Variants in KCTD1 observed in about 807,000 individuals in gnomAD.
KCTD1 encodes potassium channel tetramerization domain containing 1, also known as BTB/POZ domain-containing protein KCTD1.
KCTD1 carries 24 observed loss-of-function variants against 66.0 expected under a neutral mutation model. The ratio of observed to expected loss-of-function variants is 0.36; its 90% CI spans 0.26 to 0.51. The LOEUF (loss-of-function observed/expected upper bound fraction) is 0.51. KCTD1 is among the 20% of genes least tolerant of loss of function. KCTD1 has a pLI of 0.95. For missense variants in KCTD1, 943 were observed against 1,205.2 expected, an observed-to-expected ratio of 0.78 and a Z score of 3.22; for synonymous variants, 511 against 517.2, an observed-to-expected ratio of 0.99 and a Z score of 0.16.
Position 26,583,971 on chromosome 18 carries a change from G to C in KCTD1, c.-16+45176C>G, listed in dbSNP as rs540308670. ...GATTTTGAGTTGGGTCTGTTGTTTT[G>C]CATCCTCAAGTTAACATCAGTCCAC... On this transcript the variant is annotated intron_variant, in intron 1 of 4. Transcript: ENST00000317932. Among the ~76,000 whole-genome samples, 10 of 152,292 alleles carry C rather than the reference G, an allele frequency of 6.6e-5. No individual in the cohort carries two copies. In the South Asian group the frequency reaches 1.7e-3, roughly 25 times the overall value.
At chr18:26,568,966 G>A (rs1249749025) in intron 1 of KCTD1, among the ~76,000 whole-genome samples, 1 of 152,142 alleles carries the variant, frequency 6.6e-6, no homozygotes, top group Non-Finnish European at 1.5e-5. Flanking sequence ...GGAAGGGACA[G>A]GAATTACTGC....
At chr18:26,648,786 T>G (rs1199611153) in intron 1 of KCTD1, among the ~76,000 whole-genome samples, 1 of 152,216 alleles carries the variant, frequency 6.6e-6, no homozygotes, top group African/African-American at 2.4e-5. Flanking sequence ...AACTCCTGGC[T>G]CAGCCACTCA....
At chr18:26,493,990 C>A (rs1982339953) in intron 2 of KCTD1, among the ~76,000 whole-genome samples, 1 of 152,214 alleles carries the variant, frequency 6.6e-6, no homozygotes, top group African/African-American at 2.4e-5. Context: ...TTCGCCCTTG[C>A]CCAGGTAAAC....
At chr18:26,588,867 CAA>C (rs879281902) in intron 1 of KCTD1, among the ~76,000 whole-genome samples, 23,071 of 152,136 alleles carry the variant, frequency 0.15, 1,792 homozygotes, top group East Asian at 0.26. Context: ...GAATCGAATG[CAA>C]AGCCCTAATA....
intron 1 of KCTD1, chr18:26,543,108 G>C (rs1267737668): frequency 2.0e-5 from 3 of 152,184 alleles, no homozygotes; most frequent in Admixed American, 2.0e-4. Flanking sequence ...TAGGCGCTCA[G>C]TAACTACTTC....
In KCTD1 at chr18:26,513,033, A is replaced by G. The variant is rs181516502; in HGVS notation, c.1810-11783T>C. Among the ~76,000 whole-genome samples the G allele has an allele frequency of 3.5e-3, 540 of 152,200 alleles. 5 individuals carry two copies. Among genetic ancestry groups the G allele is most frequent in the African/African-American group, 0.013 (519 of 41,516 alleles). ...ATGCCTGAAATACTCTGAGAACTAA[A>G]TAATACTTAAATACCCCAAAGAATG... is the stretch of plus-strand genomic sequence containing the variant. On this transcript the variant is annotated intron_variant, in intron 1 of 4. Transcript: ENST00000580059.
chr18:26,642,258 T>C (rs1244530092), upstream of KCTD1, among the ~76,000 whole-genome samples: 2 of 152,332 alleles, frequency 1.3e-5, no homozygotes, highest in Middle Eastern at 3.4e-3. Flanking sequence ...CTCTATGTCT[T>C]ATCTTCTCTC....
chr18:26,609,150 T>A (rs1987080407), intron 1 of KCTD1, among the ~76,000 whole-genome samples: 1 of 152,194 alleles, frequency 6.6e-6, no homozygotes, highest in Admixed American at 6.5e-5. Context: ...GATAAAATGT[T>A]AAAGTAGTAC....
Position 26,527,496 on chromosome 18 carries a change from G to A in KCTD1, c.1809+19232C>T, listed in dbSNP as rs1052731053. ...GAGGGCTACTGCAAAAAAAAAAGGGGGGGGGGCGTGGGAGGGATGACGAGG... is the reference window on the plus strand; with the variant it reads ...GAGGGCTACTGCAAAAAAAAAAGGGAGGGGGGCGTGGGAGGGATGACGAGG... On this transcript the variant is annotated intron_variant, in intron 1 of 4. Transcript: ENST00000580059. Among the ~76,000 whole-genome samples, 13 of 149,196 alleles carry A rather than the reference G, an allele frequency of 8.7e-5. 1 individual carries two copies. The highest frequency in any genetic ancestry group is 2.2e-4 in the South Asian group (1 of 4,578).
chr18:26,542,972 C>T (rs1985043740), intron 1 of KCTD1: 1 of 151,672 alleles, frequency 6.6e-6, no homozygotes, highest in Admixed American at 6.6e-5. Context: ...CTGAGTGCAT[C>T]ACCTTTTAAC....
chr18:26,505,141 C>A (rs1982966161), intron 1 of KCTD1, among the ~76,000 whole-genome samples: 1 of 152,280 alleles, frequency 6.6e-6, no homozygotes, highest in Non-Finnish European at 1.5e-5. Context: ...TGTTACACAG[C>A]TGCTTCCCTG....
At position 26,455,850 on chromosome 18, in the gene KCTD1, C is replaced by T. The variant is rs1980054579; in HGVS notation, c.2491G>A (p.Gly831Arg). ...CTGAACTGGGACGAGTCTACTCCTC[C>T]CCCACAGGAGCCCACGATTTCAAAT... ...RGFEIVGSCG[G>R]GVDSSQFSEY... The change falls in exon 5 of 5, where the codon GGA becomes AGA. Residue 831 changes from glycine (G) to arginine (R), a missense_variant. This residue lies in a region of KCTD1 where 162 missense variants were observed against 232.4 expected (regional missense o/e 0.70). Transcript: ENST00000580059. The T allele has an allele frequency of 3.7e-6, 6 of 1,614,056 alleles. No individual in the cohort carries two copies. Among genetic ancestry groups the T allele is most frequent in the African/African-American group, 1.3e-5 (1 of 74,940 alleles).
At chr18:26,523,943 A>T (rs1984036442) in intron 1 of KCTD1, among the ~76,000 whole-genome samples, 1 of 152,234 alleles carries the variant, frequency 6.6e-6, no homozygotes, top group African/African-American at 2.4e-5. Flanking sequence ...CGGGGCTTCA[A>T]GCAGAGAACA....
chr18:26,496,448 T>C lies in KCTD1; in HGVS notation c.1988+4624A>G, dbSNP rs147158429. Among the ~76,000 whole-genome samples the C allele has an allele frequency of 1.2e-4, 18 of 152,296 alleles. 1 individual carries two copies. The East Asian group carries it at 3.5e-3, about 29-fold the overall frequency. On this transcript the variant is annotated intron_variant, in intron 2 of 4. Coordinates refer to ENST00000580059, the MANE Select transcript of KCTD1 (RefSeq NM_001142730.3). ...AATGGCAGTCAGAACTGGAGACTCT[T>C]ATGAGCCTCTGAAAGGAATCAGTGT... is the stretch of plus-strand genomic sequence containing the variant.
intron 1 of KCTD1, among the ~76,000 whole-genome samples, 179 bp from the exon 2 acceptor site, chr18:26,501,429 AG>A (rs1982757025): frequency 3.3e-5 from 5 of 152,244 alleles, no homozygotes; most frequent in Admixed American, 3.3e-4. Flanking sequence ...TCTGTAGCAA[AG>A]AAAAGGAAAT....
intron 1 of KCTD1, among the ~76,000 whole-genome samples, chr18:26,651,235 G>A (rs1477513689): frequency 1.3e-5 from 2 of 152,212 alleles, no homozygotes; most frequent in Admixed American, 1.3e-4. Context: ...CCTTTGCCAA[G>A]TGCCCTTGAA....
intron 2 of KCTD1, among the ~76,000 whole-genome samples, chr18:26,481,509 C>A (rs1598886667): frequency 6.6e-6 from 1 of 152,114 alleles, no homozygotes; most frequent in Admixed American, 6.6e-5. Flanking sequence ...GAAGCCAGAT[C>A]GTAAAAAGCC....
chr18:26,605,448 A>T (rs1050326291), intron 1 of KCTD1, among the ~76,000 whole-genome samples: 2 of 152,090 alleles, frequency 1.3e-5, no homozygotes, highest in African/African-American at 2.4e-5. Context: ...GTGTTTTTTT[A>T]AAATTCCAAT....
At chr18:26,538,432 T>G (rs933241429) in intron 1 of KCTD1, among the ~76,000 whole-genome samples, 3 of 151,826 alleles carry the variant, frequency 2.0e-5, no homozygotes, top group Non-Finnish European at 2.9e-5. Context: ...AGGGCCCAGG[T>G]AGGCCAGAGT....
Sources: allele counts gnomAD v4.1 joint callset (sites outside exome capture counted in the v4.1 genomes callset), GRCh38; gene constraint gnomAD v4.1.1; regional missense constraint gnomAD v4.1.1; transcripts MANE v1.5; gene names NCBI Gene and HGNC (gene_info 2026-07-23, HGNC 2026-07-21).